Variants in MYO5B observed in about 807,000 individuals in gnomAD.
MYO5B encodes myosin VB.
Under a neutral mutation model 229.3 loss-of-function variants are expected in MYO5B, and 143 were observed. The observed-to-expected ratio is 0.62, with a 90% CI of 0.54 to 0.72. The LOEUF (loss-of-function observed/expected upper bound fraction) is 0.72, where lower values mean the gene tolerates loss of function less well. Among genes scored for constraint, MYO5B ranks in the 30% least tolerant of loss-of-function variants. MYO5B has a pLI of 0.00. For missense variants in MYO5B, 2,321 were observed against 2,331.0 expected (o/e 1.00, Z 0.09); for synonymous variants, 918 against 885.2 (o/e 1.04, Z -0.66).
intron 27 of MYO5B, 127 bp downstream of exon 27, chr18:49,872,040 A>G: frequency 2.3e-6 from 2 of 875,418 alleles, no homozygotes; most frequent in Non-Finnish European, 3.9e-6. Context: ...GGAAAAGGGA[A>G]GCTACCTGCT....
At chr18:49,860,237 T>TA (rs1333397735) in intron 29 of MYO5B, among the ~76,000 whole-genome samples, 2 of 152,132 alleles carry the variant, frequency 1.3e-5, no homozygotes, top group Non-Finnish European at 2.9e-5. Context: ...CTCCTGCCCC[T>TA]ACCTAACTCT....
intron 29 of MYO5B, among the ~76,000 whole-genome samples, chr18:49,859,081 A>G (rs2024297191): frequency 1.3e-5 from 2 of 152,186 alleles, no homozygotes; most frequent in South Asian, 4.1e-4. Context: ...CTCCAGCCAC[A>G]GGGGGCAGTG....
intron 1 of MYO5B, among the ~76,000 whole-genome samples, chr18:50,084,645 G>T (rs958648780): frequency 6.6e-6 from 1 of 152,092 alleles, no homozygotes; most frequent in African/African-American, 2.4e-5. Context: ...GAGGCATCAC[G>T]CTACCTGACT....
chr18:49,902,095 T>C (rs2024847945), intron 21 of MYO5B, among the ~76,000 whole-genome samples: 1 of 152,332 alleles, frequency 6.6e-6, no homozygotes, highest in South Asian at 2.1e-4. Context: ...CAAGATAGCA[T>C]AAATCATTAT....
rs562769688 is a variant in MYO5B at position 49,879,082 on chromosome 18, C to A, written c.3139G>T (p.Ala1047Ser). The A allele has an allele frequency of 2.5e-6, 4 of 1,614,170 alleles. No individual in the cohort carries two copies. Among genetic ancestry groups the A allele is most frequent in the African/African-American group, 2.7e-5 (2 of 75,036 alleles). Residue 1047 changes from alanine (A) to serine (S), a missense_variant, in exon 24 of 40, where the codon GCC becomes TCC. By Grantham distance (99) the Ala-to-Ser change is moderately conservative (BLOSUM62 1). Transcript: ENST00000285039. ...QILCQSKDEFAQNSVKENLMK... is the reference protein window; with the variant it reads ...QILCQSKDEFSQNSVKENLMK... ...AGATTTTCCTTCACAGAGTTCTGGG[C>A]AAATTCATCTGGAAAGCAACACGCT...
chr18:49,993,222 C>T (rs990776299), intron 5 of MYO5B, among the ~76,000 whole-genome samples: 1 of 151,858 alleles, frequency 6.6e-6, no homozygotes, highest in Non-Finnish European at 1.5e-5. Context: ...GTGGATAAAA[C>T]ACTTGAAAAA....
At chr18:49,918,795 C>T (rs1019884784) in intron 17 of MYO5B, among the ~76,000 whole-genome samples, 1 of 152,194 alleles carries the variant, frequency 6.6e-6, no homozygotes, top group African/African-American at 2.4e-5. Flanking sequence ...ACATACACTT[C>T]TTTTCCTTTT....
chr18:49,952,800 G>A (rs2025443685), intron 14 of MYO5B, among the ~76,000 whole-genome samples: 1 of 151,960 alleles, frequency 6.6e-6, no homozygotes, highest in South Asian at 2.1e-4. Context: ...TCTGCTTATA[G>A]AGAGGTTCTA....
At position 49,853,567 on chromosome 18, in the gene MYO5B, A is replaced by C; in HGVS notation, c.4103T>G (p.Leu1368Arg). 1 of 1,614,120 alleles carries C rather than the reference A, an allele frequency of 6.2e-7. No homozygotes were observed. Among genetic ancestry groups the C allele is most frequent in the Non-Finnish European group, 8.5e-7 (1 of 1,180,022 alleles). Residue 1368 changes from leucine (L) to arginine (R), a missense_variant, in exon 31 of 40, where the codon CTG (leucine) becomes CGG (arginine). This residue lies in a region of MYO5B where 2,113 missense variants were observed against 2,044.7 expected (regional missense o/e 1.03). Transcript: ENST00000285039. The stretch of plus-strand genomic sequence containing the variant: ...CTGCTGTTTGTCCATCTCCTCCTTC[A>C]GGGCCTCGAGCTGAGCCTTGAGATG... ...VEHLKAQLEA[L>R]KEEMDKQQQT...
intron 6 of MYO5B, among the ~76,000 whole-genome samples, chr18:49,991,945 G>A (rs1385547668): frequency 1.3e-5 from 2 of 152,158 alleles, no homozygotes; most frequent in African/African-American, 2.4e-5. Context: ...CCCAGACTCC[G>A]TATTTATGAC....
intron 4 of MYO5B, among the ~76,000 whole-genome samples, chr18:50,016,228 C>T (rs1488409737): frequency 6.6e-6 from 1 of 152,090 alleles, no homozygotes; most frequent in Non-Finnish European, 1.5e-5. Context: ...TTTTGTTTGC[C>T]TTACTGTGCC....
In MYO5B at chr18:49,947,101, CTTTTTTTTT is replaced by C. The variant is rs74176748; in HGVS notation, c.1752+6150_1752+6158del. On this transcript the variant is annotated intron_variant, in intron 14 of 39. Transcript: ENST00000285039. ...CACAATGAAAAGTAGTCACCAAGCT[CTTTTTTTTT>C]TTTTTTTTTTTTTGAGACGGAGTCT... Among the ~76,000 whole-genome samples the C allele has an allele frequency of 1.6e-4, 17 of 108,292 alleles. No individual in the cohort carries two copies. The South Asian group carries it at 3.0e-3, about 19-fold the overall frequency. 71.0% of individuals were successfully genotyped at this position (108,292 alleles called of 152,430 possible). A position where few individuals can be genotyped will look rare whatever the true frequency, so the allele number is the denominator to read the frequency against.
rs2026313940 is a variant in MYO5B, at chr18:50,024,867, AAATT to A, written c.455+11979_455+11982del. Reference sequence around the variant, plus strand: ...GGACTTAAAATCATGGAGATAGTTAAAATTAAGAGCTTTGGGGAGTTCCTTTAAG... The same window carrying A: ...GGACTTAAAATCATGGAGATAGTTAAAAGAGCTTTGGGGAGTTCCTTTAAG... On this transcript the variant is annotated intron_variant, in intron 4 of 39. Transcript: ENST00000285039. Among the ~76,000 whole-genome samples the A allele has an allele frequency of 7.9e-5, 12 of 152,336 alleles. No homozygotes were observed. The South Asian group carries it at 2.5e-3, about 32-fold the overall frequency.
chr18:50,011,235 G>C (rs548415074), intron 4 of MYO5B, among the ~76,000 whole-genome samples: 3 of 152,096 alleles, frequency 2.0e-5, no homozygotes, highest in Non-Finnish European at 4.4e-5. Context: ...CCAGCTACTC[G>C]GGAGGCTGAG....
At chr18:50,187,937 C>T (rs2033171614) in intron 1 of MYO5B, among the ~76,000 whole-genome samples, 1 of 151,980 alleles carries the variant, frequency 6.6e-6, no homozygotes, top group South Asian at 2.1e-4. Context: ...GATCCTGGCC[C>T]AGAAAAAGAA....
At chr18:50,055,855 TG>T (rs2030536215) in intron 1 of MYO5B, among the ~76,000 whole-genome samples, 1 of 152,212 alleles carries the variant, frequency 6.6e-6, no homozygotes, top group African/African-American at 2.4e-5. Context: ...TGAAAGAAAG[TG>T]GTCGGCAAAT....
At chr18:49,827,672 A>T (rs1379270943) in intron 39 of MYO5B, among the ~76,000 whole-genome samples, 2 of 152,122 alleles carry the variant, frequency 1.3e-5, no homozygotes, top group Non-Finnish European at 2.9e-5. Context: ...AGAGCCTAAC[A>T]GACCTATTGG....
intron 1 of MYO5B, among the ~76,000 whole-genome samples, chr18:50,129,964 C>A (rs77329007): frequency 0.045 from 6,878 of 152,250 alleles, 517 homozygotes; most frequent in African/African-American, 0.16. Context: ...ACCACCGCCC[C>A]ACCTCCTGCA....
chr18:49,897,842 A>G (rs533859982), intron 21 of MYO5B, among the ~76,000 whole-genome samples: 15 of 152,208 alleles, frequency 9.9e-5, no homozygotes, highest in Non-Finnish European at 1.6e-4. Flanking sequence ...GACAGTTTAT[A>G]AAGTCTACAG....
Sources: allele counts gnomAD v4.1 joint callset (sites outside exome capture counted in the v4.1 genomes callset), GRCh38; gene constraint gnomAD v4.1.1; regional missense constraint gnomAD v4.1.1; transcripts MANE v1.5; gene names NCBI Gene and HGNC (gene_info 2026-07-23, HGNC 2026-07-21).